The following GUCY1A2 variants were observed in gnomAD, a reference collection of about 807,000 sequenced individuals.
The protein encoded by GUCY1A2 is guanylate cyclase 1 soluble subunit alpha 2.
Under a neutral mutation model 63.5 loss-of-function variants are expected in GUCY1A2, and 27 were observed. The observed-to-expected ratio is 0.43, with a 90% CI of 0.31 to 0.59. The LOEUF (loss-of-function observed/expected upper bound fraction) is 0.59. Among genes scored for constraint, GUCY1A2 ranks in the 20% least tolerant of loss-of-function variants. The pLI is 0.11. For synonymous variants in GUCY1A2, 364 were observed against 343.5 expected (o/e 1.06, Z -0.66); for missense variants, 768 against 913.3 (o/e 0.84, Z 2.05).
intron 6 of GUCY1A2, among the ~76,000 whole-genome samples, chr11:106,760,200 T>C (rs965515683): frequency 6.6e-6 from 1 of 152,176 alleles, no homozygotes; most frequent in African/African-American, 2.4e-5. Flanking sequence ...TGGTTCTTTG[T>C]TATGTCAGGC....
At chr11:106,847,880 A>T (rs1176895421) in intron 4 of GUCY1A2, among the ~76,000 whole-genome samples, 1 of 151,708 alleles carries the variant, frequency 6.6e-6, no homozygotes, top group African/African-American at 2.4e-5. Context: ...AATCTAACCC[A>T]ATGTATTAAA....
At chr11:106,844,385 C>A (rs1373283116) in intron 4 of GUCY1A2, among the ~76,000 whole-genome samples, 1 of 151,680 alleles carries the variant, frequency 6.6e-6, no homozygotes, top group Non-Finnish European at 1.5e-5. Flanking sequence ...ACCTAAGAAA[C>A]ATTTATCACC....
intron 2 of GUCY1A2, among the ~76,000 whole-genome samples, chr11:106,979,311 C>T (rs1054060514): frequency 9.2e-5 from 14 of 151,876 alleles, no homozygotes; most frequent in Non-Finnish European, 1.5e-5. Context: ...AAAAATTAGC[C>T]GGAAGTGGTG....
chr11:107,003,412 C>A (rs1372967587), intron 1 of GUCY1A2, among the ~76,000 whole-genome samples: 6 of 152,096 alleles, frequency 3.9e-5, no homozygotes, highest in Non-Finnish European at 7.4e-5. Context: ...CACCTATATT[C>A]TTTTTATTCT....
At chr11:106,717,367 T>A (rs1207263685) in intron 6 of GUCY1A2, among the ~76,000 whole-genome samples, 1 of 152,170 alleles carries the variant, frequency 6.6e-6, no homozygotes, top group East Asian at 1.9e-4. Flanking sequence ...TTCCCCCACT[T>A]CCTGATAGCC....
At chr11:106,688,342 C>T (rs1862564578) in intron 7 of GUCY1A2, among the ~76,000 whole-genome samples, 1 of 152,160 alleles carries the variant, frequency 6.6e-6, no homozygotes, top group Non-Finnish European at 1.5e-5. Context: ...GGTTAAACAG[C>T]TTGATTCTTC....
At chr11:106,734,175 A>G (rs1863550931) in intron 6 of GUCY1A2, among the ~76,000 whole-genome samples, 1 of 152,128 alleles carries the variant, frequency 6.6e-6, no homozygotes, top group African/African-American at 2.4e-5. Flanking sequence ...CACAGAGTTG[A>G]CATGACCCAC....
chr11:106,828,994 C>T (rs1392672973), intron 4 of GUCY1A2, among the ~76,000 whole-genome samples: 1 of 152,186 alleles, frequency 6.6e-6, no homozygotes, highest in African/African-American at 2.4e-5. Flanking sequence ...AGTCGCACTG[C>T]TATATTTTAT....
chr11:106,885,574 G>T (rs181204882), intron 4 of GUCY1A2, among the ~76,000 whole-genome samples: 3 of 152,072 alleles, frequency 2.0e-5, no homozygotes, highest in African/African-American at 7.2e-5. Context: ...TACTATTATT[G>T]CCTTCCATTA....
intron 6 of GUCY1A2, among the ~76,000 whole-genome samples, chr11:106,725,960 T>C (rs540580351): frequency 1.3e-5 from 2 of 152,092 alleles, no homozygotes; most frequent in African/African-American, 4.8e-5. Flanking sequence ...TCTTACCCAT[T>C]GCAATACCCC....
Position 106,709,514 on chromosome 11 carries a change from C to A in GUCY1A2, c.1837-848G>T, listed in dbSNP as rs1388832240. ...TATATATATAATAATATATATTATT[C>A]TATAAATATAATAATAATATAATAT... On this transcript the variant is annotated intron_variant, in intron 6 of 7. Coordinates refer to ENST00000526355, the MANE Select transcript of GUCY1A2 (RefSeq NM_000855.3). Among the ~76,000 whole-genome samples, 276 of 46,100 alleles carry A rather than the reference C, an allele frequency of 6.0e-3. 33 individuals carry two copies. Among genetic ancestry groups the A allele is most frequent in the Non-Finnish European group, 7.4e-3 (216 of 29,072 alleles). 30.2% of individuals were successfully genotyped at this position (46,100 alleles called of 152,430 possible). A position where few individuals can be genotyped will look rare whatever the true frequency, so the allele number is the denominator to read the frequency against.
chr11:106,885,234 A>AT (rs1327124949), intron 4 of GUCY1A2, among the ~76,000 whole-genome samples: 1 of 152,178 alleles, frequency 6.6e-6, no homozygotes, highest in Non-Finnish European at 1.5e-5. Flanking sequence ...TTCTCTGATT[A>AT]TTTTGTACAA....
At chr11:106,893,993 A>G (rs1329005635) in intron 4 of GUCY1A2, among the ~76,000 whole-genome samples, 1 of 152,232 alleles carries the variant, frequency 6.6e-6, no homozygotes, top group Non-Finnish European at 1.5e-5. Flanking sequence ...AGACCCATTT[A>G]GAAATACACC....
intron 1 of GUCY1A2, among the ~76,000 whole-genome samples, chr11:106,992,377 T>A (rs1861481497): frequency 1.4e-5 from 2 of 147,912 alleles, no homozygotes; most frequent in Admixed American, 1.4e-4. Flanking sequence ...TCCCCCAGGC[T>A]GGAGTGCAGT....
chr11:106,841,705 GAA>G (rs1402987114), intron 4 of GUCY1A2, among the ~76,000 whole-genome samples: 2 of 151,860 alleles, frequency 1.3e-5, no homozygotes, highest in Non-Finnish European at 2.9e-5. Flanking sequence ...TACAGCAGAA[GAA>G]AGTATAAAGT....
intron 4 of GUCY1A2, among the ~76,000 whole-genome samples, chr11:106,875,889 G>A (rs949166511): frequency 2.0e-5 from 3 of 151,878 alleles, no homozygotes; most frequent in African/African-American, 4.8e-5. Context: ...GAGGAAATGT[G>A]GCACTTTACT....
intron 4 of GUCY1A2, among the ~76,000 whole-genome samples, chr11:106,892,997 G>A (rs1859995197): frequency 6.6e-6 from 1 of 152,052 alleles, no homozygotes; most frequent in Non-Finnish European, 1.5e-5. Context: ...TTCTTTATAA[G>A]GCAACATTAG....
At chr11:106,982,913 G>A (rs978972866) in intron 2 of GUCY1A2, among the ~76,000 whole-genome samples, 3 of 152,190 alleles carry the variant, frequency 2.0e-5, no homozygotes, top group Non-Finnish European at 4.4e-5. Flanking sequence ...GGGGTTCAAA[G>A]TGTGATCCCT....
chr11:106,729,092 GC>G (rs1863456327), intron 6 of GUCY1A2, among the ~76,000 whole-genome samples: 1 of 152,128 alleles, frequency 6.6e-6, no homozygotes, highest in Admixed American at 6.6e-5. Context: ...TGAGATGTCT[GC>G]TTTTATGGTA....
Sources: gnomAD v4.1 joint callset for allele counts (sites outside exome capture counted in the v4.1 genomes callset) on GRCh38, gnomAD v4.1.1 for gene constraint, MANE v1.5 for transcripts, NCBI Gene and HGNC (gene_info 2026-07-23, HGNC 2026-07-21) for gene names.